SH3GL2: variants seen among roughly 807,000 people sequenced by gnomAD.
SH3GL2 encodes endophilin-A1.
A neutral mutation model predicts 46.0 loss-of-function variants in SH3GL2; 24 were observed. That is an observed-to-expected ratio of 0.52 (90% CI 0.38 to 0.73). The LOEUF (loss-of-function observed/expected upper bound fraction) is 0.73. SH3GL2 is among the 30% of genes least tolerant of loss of function. The probability of loss-of-function intolerance (pLI) is 0.00; values close to 1 mark genes in which losing one functional copy is unlikely to be tolerated. For missense variants in SH3GL2, 413 were observed against 424.2 expected, an observed-to-expected ratio of 0.97 and a Z score of 0.23; for synonymous variants, 196 against 147.1, an observed-to-expected ratio of 1.33 and a Z score of -2.40.
At chr9:17,682,109 G>T (rs985995193) in intron 1 of SH3GL2, among the ~76,000 whole-genome samples, 2 of 152,144 alleles carry the variant, frequency 1.3e-5, no homozygotes, top group Non-Finnish European at 2.9e-5. Flanking sequence ...CACACTGTTG[G>T]TGGGAATGTA....
intron 3 of SH3GL2, among the ~76,000 whole-genome samples, chr9:17,761,759 A>G (rs1193365425): frequency 6.6e-6 from 1 of 152,232 alleles, no homozygotes; most frequent in African/African-American, 2.4e-5. Context: ...TAATGTATGC[A>G]AACAGTTCAG....
intron 1 of SH3GL2, among the ~76,000 whole-genome samples, chr9:17,701,569 T>C (rs1821343295): frequency 1.3e-5 from 2 of 152,118 alleles, no homozygotes; most frequent in South Asian, 4.1e-4. Flanking sequence ...GAAAACTTTA[T>C]GGGAGCAATT....
chr9:17,627,492 A>G (rs1345601368), intron 1 of SH3GL2, among the ~76,000 whole-genome samples: 1 of 152,206 alleles, frequency 6.6e-6, no homozygotes, highest in Non-Finnish European at 1.5e-5. Flanking sequence ...AGTGTTAGCA[A>G]GCAGACCCTA....
intron 2 of SH3GL2, 76 bp from the exon 3 acceptor site, chr9:17,761,361 A>G (rs1823166559): frequency 8.8e-6 from 8 of 914,102 alleles, no homozygotes; most frequent in Non-Finnish European, 1.5e-5. Flanking sequence ...CCGCCATTGT[A>G]TACAGACTCA....
At chr9:17,626,807 C>T (rs1819291939) in intron 1 of SH3GL2, among the ~76,000 whole-genome samples, 1 of 152,196 alleles carries the variant, frequency 6.6e-6, no homozygotes, top group Non-Finnish European at 1.5e-5. Flanking sequence ...TGGAGAACTG[C>T]CTTTACCTCC....
intron 1 of SH3GL2, among the ~76,000 whole-genome samples, chr9:17,640,618 A>T (rs964443333): frequency 6.6e-6 from 1 of 152,164 alleles, no homozygotes; most frequent in African/African-American, 2.4e-5. Context: ...GAGACCACCT[A>T]TGTCAGATGT....
At chr9:17,741,040 G>T (rs962196078) in intron 1 of SH3GL2, among the ~76,000 whole-genome samples, 2 of 151,924 alleles carry the variant, frequency 1.3e-5, no homozygotes, top group Non-Finnish European at 2.9e-5. Context: ...AATTGTCAAC[G>T]GTATTCTTTG....
intron 2 of SH3GL2, among the ~76,000 whole-genome samples, chr9:17,752,093 G>T (rs1001311018): frequency 6.6e-6 from 1 of 152,268 alleles, no homozygotes; most frequent in African/African-American, 2.4e-5. Flanking sequence ...TTTTTAACAC[G>T]TTGTTTGTCA....
chr9:17,786,747 G>A (rs190398749), intron 4 of SH3GL2, among the ~76,000 whole-genome samples: 2 of 151,942 alleles, frequency 1.3e-5, no homozygotes, highest in Admixed American at 6.5e-5. Flanking sequence ...TAAGACCTCA[G>A]TCTTTACAAC....
intron 3 of SH3GL2, among the ~76,000 whole-genome samples, chr9:17,766,825 T>C (rs928398336): frequency 2.0e-5 from 3 of 152,220 alleles, no homozygotes; most frequent in African/African-American, 7.2e-5. Context: ...GCCTTTCTGT[T>C]CGATATATGT....
intron 1 of SH3GL2, among the ~76,000 whole-genome samples, chr9:17,683,083 A>G (rs545853583): frequency 6.6e-6 from 1 of 152,282 alleles, no homozygotes; most frequent in South Asian, 2.1e-4. Context: ...TGAGTTTCCA[A>G]GTAGACAGGA....
intron 1 of SH3GL2, among the ~76,000 whole-genome samples, chr9:17,633,507 T>G (rs1051710887): frequency 1.3e-5 from 2 of 152,228 alleles, no homozygotes; most frequent in Admixed American, 6.5e-5. Context: ...AATATTAATA[T>G]AAGAAAGTGT....
intron 1 of SH3GL2, among the ~76,000 whole-genome samples, chr9:17,723,881 A>G (rs1392512140): frequency 1.3e-5 from 2 of 152,096 alleles, no homozygotes; most frequent in African/African-American, 2.4e-5. Flanking sequence ...TTGTGATGCC[A>G]TCATTACATA....
intron 1 of SH3GL2, chr9:17,590,020 A>C (rs1254602919): frequency 6.6e-6 from 1 of 152,238 alleles, no homozygotes; most frequent in African/African-American, 2.4e-5. Flanking sequence ...CAGCTTGGCC[A>C]GGGAGAGAAT....
intron 7 of SH3GL2, among the ~76,000 whole-genome samples, chr9:17,792,173 T>A (rs1216795829): frequency 6.6e-6 from 1 of 152,172 alleles, no homozygotes; most frequent in Admixed American, 6.6e-5. Context: ...TCCACACCTG[T>A]TTTCGTTGTT....
At chr9:17,775,011 A>T (rs1413467021) in intron 3 of SH3GL2, among the ~76,000 whole-genome samples, 1 of 152,124 alleles carries the variant, frequency 6.6e-6, no homozygotes, top group Admixed American at 6.6e-5. Flanking sequence ...TAGTCTTGGT[A>T]GGTTTTGTGT....
chr9:17,734,698 C>G (rs1025579424), intron 1 of SH3GL2, among the ~76,000 whole-genome samples: 3 of 151,624 alleles, frequency 2.0e-5, no homozygotes, highest in Non-Finnish European at 4.4e-5. Context: ...AAGCCAGAGA[C>G]AAAACACCAC....
intron 1 of SH3GL2, among the ~76,000 whole-genome samples, chr9:17,649,518 T>C (rs1170690582): frequency 6.6e-6 from 1 of 152,216 alleles, no homozygotes; most frequent in Non-Finnish European, 1.5e-5. Flanking sequence ...TAAAGATAAA[T>C]CGATGTTACC....
intron 1 of SH3GL2, among the ~76,000 whole-genome samples, chr9:17,667,292 C>G (rs923308852): frequency 3.3e-5 from 5 of 152,114 alleles, no homozygotes; most frequent in Non-Finnish European, 1.5e-5. Context: ...GATTGTACAG[C>G]ATCACCACTA....
Sources: allele counts gnomAD v4.1 joint callset (sites outside exome capture counted in the v4.1 genomes callset), GRCh38; gene constraint gnomAD v4.1.1; transcripts MANE v1.5; gene names NCBI Gene and HGNC (gene_info 2026-07-23, HGNC 2026-07-21).